ST14: variants seen among roughly 807,000 people sequenced by gnomAD.
The protein encoded by ST14 is ST14 transmembrane serine protease matriptase, also known as suppressor of tumorigenicity 14 protein.
A neutral mutation model predicts 96.5 loss-of-function variants in ST14; 40 were observed. The observed-to-expected ratio is 0.41, with a 90% CI of 0.32 to 0.54. ST14 has a LOEUF of 0.54. ST14 is among the 20% of genes least tolerant of loss of function. The pLI, the probability that ST14 is intolerant of heterozygous loss-of-function variation, is 0.17. For synonymous variants in ST14, 506 were observed against 492.1 expected (o/e 1.03, Z -0.37); for missense variants, 1,066 against 1,188.9 (o/e 0.90, Z 1.52).
chr11:130,204,324 A>G (rs541453723), intron 16 of ST14, among the ~76,000 whole-genome samples: 2 of 152,218 alleles, frequency 1.3e-5, no homozygotes, highest in East Asian at 1.9e-4. Context: ...GGTGGGTCAC[A>G]AGACCTCACC....
At chr11:130,164,383 C>G (rs1953025177) in intron 1 of ST14, among the ~76,000 whole-genome samples, 1 of 151,770 alleles carries the variant, frequency 6.6e-6, no homozygotes, top group African/African-American at 2.4e-5. Flanking sequence ...GTCTTTGAGA[C>G]CAAGTATTAC....
rs571271440 is a variant in ST14 at position 130,181,552 on chromosome 11, A to G, written c.82-6562A>G. Among the ~76,000 whole-genome samples the G allele has an allele frequency of 2.6e-5, 4 of 152,262 alleles. No homozygotes were observed. Among genetic ancestry groups the G allele is most frequent in the Admixed American group, 2.0e-4 (3 of 15,294 alleles). ...AAGTGAAAGCAGGCGCAGGCATAGG[A>G]TCTCTCCTGTCGGCTGTGGCCCAGT... On this transcript the variant is annotated intron_variant, in intron 1 of 18. Transcript: ENST00000278742. This position sits in a 1 kb window ranked among gnomAD's most constrained non-coding sequence, Gnocchi z 4.1.
chr11:130,164,878 C>G (rs978140881), intron 1 of ST14, among the ~76,000 whole-genome samples: 3 of 151,974 alleles, frequency 2.0e-5, no homozygotes, highest in Non-Finnish European at 4.4e-5. Context: ...GCTGGGATTA[C>G]AGGCATGCAC....
rs1953528879 is a variant in ST14 at position 130,209,590 on chromosome 11, G to A, written c.2406+12G>A. On this transcript the variant is annotated intron_variant, in intron 18 of 18. Transcript: ENST00000278742. ...TGGACTCCTGCCAGGTGGCCCCCGG[G>A]GCAGGAGGGCGGCAGGTGGGCCCCG... is the stretch of plus-strand genomic sequence containing the variant. 1 of 1,582,514 alleles carries A rather than the reference G, an allele frequency of 6.3e-7. No individual in the cohort carries two copies. Among genetic ancestry groups the A allele is most frequent in the Non-Finnish European group, 8.6e-7 (1 of 1,164,628 alleles).
intron 7 of ST14, among the ~76,000 whole-genome samples, chr11:130,192,491 C>T (rs1301563185): frequency 2.6e-5 from 4 of 152,160 alleles, no homozygotes; most frequent in Non-Finnish European, 5.9e-5. Context: ...TGGGTTCATG[C>T]GATTCTCCTG....
intron 1 of ST14, among the ~76,000 whole-genome samples, chr11:130,175,138 C>T (rs573801930): frequency 6.6e-4 from 101 of 152,202 alleles, no homozygotes; most frequent in African/African-American, 2.1e-3. Flanking sequence ...ATATCTATCA[C>T]GTGCCATCCC....
chr11:130,208,330 C>A lies in ST14; in HGVS notation c.1995-80C>A, dbSNP rs1565629924. Reference sequence around the variant, plus strand: ...AGCTGTGCCTCATCCATGCGGAATCCTCTGGGAACGCGCGGGGCCGCGAGG... The same window carrying A: ...AGCTGTGCCTCATCCATGCGGAATCATCTGGGAACGCGCGGGGCCGCGAGG... On this transcript the variant is annotated intron_variant, in intron 16 of 18. Coordinates refer to ENST00000278742, the MANE Select transcript of ST14 (RefSeq NM_021978.4). 3.1e-6 allele frequency: 5 copies of A among 1,601,690 alleles called. No individual in the cohort carries two copies. The Admixed American group carries it at 6.7e-5, about 21-fold the overall frequency.
chr11:130,177,495 G>A (rs1275844509), intron 1 of ST14, among the ~76,000 whole-genome samples: 1 of 152,166 alleles, frequency 6.6e-6, no homozygotes, highest in Non-Finnish European at 1.5e-5. Context: ...CCTGGGAGGT[G>A]GAGGTTGTGG....
chr11:130,188,545 T>A lies in ST14; in HGVS notation c.257T>A (p.Val86Asp). The A allele has an allele frequency of 6.2e-7, 1 of 1,614,136 alleles. No homozygotes were observed. Among genetic ancestry groups the A allele is most frequent in the Non-Finnish European group, 8.5e-7 (1 of 1,180,022 alleles). Residue 86 changes from valine (V) to aspartate (D), a missense_variant, in exon 3 of 19, where the codon GTC becomes GAC. Physicochemically the swap from Val to Asp is radical, Grantham distance 152. Coordinates refer to ENST00000278742, the MANE Select transcript of ST14 (RefSeq NM_021978.4). The surrounding 1 kb of genome is among the most constrained non-coding windows in gnomAD (Gnocchi z 5.4). ...TCTCACACAGACCGGGACGTGCGTG[T>A]CCAGAAGGTCTTCAATGGCTACATG... ...VWHLQYRDVR[V>D]QKVFNGYMRI... is the part of the protein sequence containing the mutation.
At chr11:130,176,788 CTTTTTT>C (rs56764956) in intron 1 of ST14, among the ~76,000 whole-genome samples, 2 of 59,244 alleles carry the variant, frequency 3.4e-5, no homozygotes, top group South Asian at 1.1e-3. Flanking sequence ...TAGGGCTTAA[CTTTTTT>C]TTTTTTTTTT....
Position 130,200,055 on chromosome 11 carries a change from G to A in ST14, c.1912G>A (p.Gly638Ser). The A allele has an allele frequency of 6.2e-7, 1 of 1,614,228 alleles. No individual in the cohort carries two copies. ...GGTAAGCCTGCATGCTCTGGGCCAG[G>A]GCCACATCTGCGGTGCTTCCCTCAT... ...WQVSLHALGQ[G>S]HICGASLISP... Residue 638 changes from glycine (G) to serine (S), a missense_variant, in exon 16 of 19, where the codon GGC becomes AGC. Coordinates refer to ENST00000278742, the MANE Select transcript of ST14 (RefSeq NM_021978.4).
intron 1 of ST14, among the ~76,000 whole-genome samples, chr11:130,176,947 T>C (rs1008006963): frequency 1.3e-5 from 2 of 151,484 alleles, no homozygotes; most frequent in Non-Finnish European, 2.9e-5. Context: ...TACAGGCCCA[T>C]ACTACCGCAC....
At position 130,197,859 on chromosome 11, in the gene ST14, C is replaced by T. The variant is rs142150139; in HGVS notation, c.1373C>T (p.Thr458Met). Residue 458 changes from threonine to methionine, a missense_variant, in exon 12 of 19, where the codon ACG becomes ATG. Coordinates refer to ENST00000278742, the MANE Select transcript of ST14 (RefSeq NM_021978.4). Reference sequence around the variant, plus strand: ...CCCGCAGCATGCCCGGGGCAGTTCACGTGCCGCACGGGGCGGTGTATCCGG... The same window carrying T: ...CCCGCAGCATGCCCGGGGCAGTTCATGTGCCGCACGGGGCGGTGTATCCGG... ...DSSDPCPGQF[T>M]CRTGRCIRKE... 27 of 1,585,274 alleles carry T rather than the reference C, an allele frequency of 1.7e-5. No individual in the cohort carries two copies. In the Middle Eastern group the frequency reaches 6.6e-4, roughly 39 times the overall value.
chr11:130,190,414 C>T, intron 6 of ST14, 40 bp from the exon 7 acceptor site: 1 of 1,603,518 alleles, frequency 6.2e-7, no homozygotes, highest in Non-Finnish European at 8.5e-7. Flanking sequence ...TCTGCCCAGC[C>T]CTGCCCCCAC....
At position 130,181,761 on chromosome 11, in the gene ST14, C is replaced by T. The variant is rs1034861393; in HGVS notation, c.82-6353C>T. Among the ~76,000 whole-genome samples, 3 of 151,892 alleles carry T rather than the reference C, an allele frequency of 2.0e-5. No individual in the cohort carries two copies. Among genetic ancestry groups the T allele is most frequent in the Admixed American group, 6.6e-5 (1 of 15,246 alleles). ...ATCCTCAGTGTTCTTATCAATAAAA[C>T]GATGGGATTATGCAACAGTATCTCT... is the stretch of plus-strand genomic sequence containing the variant. On this transcript the variant is annotated intron_variant, in intron 1 of 18. Coordinates refer to ENST00000278742, the MANE Select transcript of ST14 (RefSeq NM_021978.4). This position sits in a 1 kb window ranked among gnomAD's most constrained non-coding sequence, Gnocchi z 4.1.
At chr11:130,172,588 T>G (rs535036382) in intron 1 of ST14, among the ~76,000 whole-genome samples, 1 of 152,008 alleles carries the variant, frequency 6.6e-6, no homozygotes, top group East Asian at 1.9e-4. Flanking sequence ...CGGCTAATTT[T>G]TTGTATTTTT....
In ST14 at chr11:130,189,877, C is replaced by T. The variant is rs768200259; in HGVS notation, c.579C>T (p.Val193=). 9.9e-6 allele frequency: 16 copies of T among 1,613,744 alleles called. No individual in the cohort carries two copies. The highest frequency in any genetic ancestry group is 1.4e-5 in the Non-Finnish European group (16 of 1,179,938). Reference sequence around the variant, plus strand: ...CGCGCTCCCTGAAGTCCTTTGTGGTCACCTCAGTGGTGGCTTTCCGTGAGT... The same window carrying T: ...CGCGCTCCCTGAAGTCCTTTGTGGTTACCTCAGTGGTGGCTTTCCGTGAGT... ...PRARSLKSFV[V]TSVVAFPTDS... The change falls in exon 5 of 19, where the codon GTC becomes GTT. Residue 193 remains valine, a synonymous_variant. Coordinates refer to ENST00000278742, the MANE Select transcript of ST14 (RefSeq NM_021978.4).
intron 11 of ST14, 69 bp downstream of exon 11, chr11:130,196,769 C>T (rs1437242241): frequency 2.5e-6 from 4 of 1,605,652 alleles, no homozygotes; most frequent in East Asian, 2.2e-5. Context: ...CCCTGCATCT[C>T]GTTAGCATCG....
chr11:130,177,773 C>G (rs1442538869), intron 1 of ST14, among the ~76,000 whole-genome samples: 2 of 152,024 alleles, frequency 1.3e-5, no homozygotes, highest in East Asian at 3.9e-4. Context: ...GATGACGTCT[C>G]TTTTTGAAGA....
Sources: allele counts gnomAD v4.1 joint callset (sites outside exome capture counted in the v4.1 genomes callset), GRCh38; gene constraint gnomAD v4.1.1; non-coding constraint Gnocchi (gnomAD v3.1); transcripts MANE v1.5; gene names NCBI Gene and HGNC (gene_info 2026-07-23, HGNC 2026-07-21).